The following PLA2G7 variants were observed in gnomAD, a reference collection of about 807,000 sequenced individuals.
PLA2G7 encodes the protein platelet-activating factor acetylhydrolase.
A neutral mutation model predicts 49.6 loss-of-function variants in PLA2G7; 63 were observed. The ratio of observed to expected loss-of-function variants is 1.27; its 90% CI spans 1.04 to 1.57. PLA2G7 has a LOEUF of 1.57. Among genes scored for constraint, PLA2G7 ranks in the 40% most tolerant of loss-of-function variants. The pLI is 0.00. For missense variants in PLA2G7, 596 were observed against 521.2 expected, an observed-to-expected ratio of 1.14 and a Z score of -1.40; for synonymous variants, 193 against 169.9, an observed-to-expected ratio of 1.14 and a Z score of -1.06.
chr6:46,707,894 A>G (rs1764880335), intron 10 of PLA2G7, 97 bp downstream of exon 10: 1 of 743,260 alleles, frequency 1.3e-6, no homozygotes, highest in Non-Finnish European at 2.3e-6. Flanking sequence ...TAAACAACCA[A>G]TTCAGCAATT....
intron 3 of PLA2G7, 71 bp from the exon 4 acceptor site, chr6:46,716,599 T>A: frequency 6.6e-7 from 1 of 1,523,366 alleles, no homozygotes; most frequent in Non-Finnish European, 9.1e-7. Context: ...CTATTTTGCA[T>A]ATTTAATTAG....
At chr6:46,709,843 T>A (rs530004341) in intron 8 of PLA2G7, among the ~76,000 whole-genome samples, 1 of 152,228 alleles carries the variant, frequency 6.6e-6, no homozygotes, top group African/African-American at 2.4e-5. Context: ...TACAGAGGCA[T>A]GATGCAATAC....
Position 46,709,308 on chromosome 6 carries a change from T to G in PLA2G7, c.869+19A>C. ...CCAATAATTTACTATTCTCTTGCTT[T>G]ACTATCTTATTTTCTTACCTGAATC... On this transcript the variant is annotated intron_variant, in intron 9 of 11. Coordinates refer to ENST00000274793, the MANE Select transcript of PLA2G7 (RefSeq NM_005084.4). 7 of 1,336,118 alleles carry G rather than the reference T, an allele frequency of 5.2e-6. No individual in the cohort carries two copies. Among genetic ancestry groups the G allele is most frequent in the Non-Finnish European group, 7.5e-6 (7 of 927,274 alleles). The allele number at this position is 1,336,118 out of a possible 1,614,324, so 82.8% of individuals were successfully genotyped here.
chr6:46,709,658 A>C (rs535678864), intron 8 of PLA2G7, among the ~76,000 whole-genome samples: 1 of 152,336 alleles, frequency 6.6e-6, no homozygotes, highest in African/African-American at 2.4e-5. Flanking sequence ...AAGTAAACTT[A>C]ATGTTCTTTG....
intron 2 of PLA2G7, among the ~76,000 whole-genome samples, chr6:46,718,881 T>C (rs933286103): frequency 6.6e-6 from 1 of 152,214 alleles, no homozygotes; most frequent in African/African-American, 2.4e-5. Flanking sequence ...TGGCACATAG[T>C]CAATGCTCAA....
At chr6:46,711,646 A>G (rs1765028578) in intron 6 of PLA2G7, 27 bp from the exon 7 acceptor site, 1 of 1,611,780 alleles carries the variant, frequency 6.2e-7, no homozygotes. Flanking sequence ...ATTATTATTT[A>G]TGCATGCTCC....
Position 46,716,397 on chromosome 6 carries a change from C to T in PLA2G7, c.363G>A (p.Leu121=). The T allele has an allele frequency of 6.2e-7, 1 of 1,614,088 alleles. No individual in the cohort carries two copies. Among genetic ancestry groups the T allele is most frequent in the Non-Finnish European group, 8.5e-7 (1 of 1,179,982 alleles). The change falls in exon 4 of 12, where the codon TTG becomes TTA. Residue 121 remains leucine, a synonymous_variant. Transcript: ENST00000274793. ...CAGAAATCTTACCAAAGAGTAACCT[C>T]AAAATGTTGCCCATAAGCCAGTGTG... ...LGTHWLMGNI[L]RLLFGSMTTP... is the part of the protein sequence containing the mutation.
At chr6:46,731,122 TGA>T (rs1765721786) in intron 1 of PLA2G7, among the ~76,000 whole-genome samples, 1 of 152,164 alleles carries the variant, frequency 6.6e-6, no homozygotes, top group African/African-American at 2.4e-5. Context: ...CACATCAGAG[TGA>T]GTCAGGAAAG....
intron 11 of PLA2G7, 100 bp from the exon 12 acceptor site, chr6:46,704,796 TC>T (rs775144374): frequency 2.5e-5 from 19 of 755,816 alleles, no homozygotes; most frequent in Admixed American, 4.3e-5. Context: ...TTACACAAGT[TC>T]CGTTAGGATG....
chr6:46,709,460 G>C (rs1424091534), intron 8 of PLA2G7, 42 bp from the exon 9 acceptor site: 1 of 1,079,158 alleles, frequency 9.3e-7, no homozygotes, highest in African/African-American at 1.5e-5. Flanking sequence ...CTATTTCGTG[G>C]TGTTAGAAGA....
intron 1 of PLA2G7, among the ~76,000 whole-genome samples, chr6:46,730,682 C>T (rs1366169508): frequency 6.6e-6 from 1 of 152,060 alleles, no homozygotes; most frequent in Non-Finnish European, 1.5e-5. Context: ...CTGATTGCTT[C>T]CAAGAAAAAC....
Position 46,722,736 on chromosome 6 carries a change from T to C in PLA2G7, c.109+47A>G, listed in dbSNP as rs539881384. On this transcript the variant is annotated intron_variant, in intron 2 of 11. Transcript: ENST00000274793. Reference sequence around the variant, plus strand: ...AACTTCTTGGGGCCCACTTGAAGTATGGCGACAGATCAGTTGCTCAAGACC... The same window carrying C: ...AACTTCTTGGGGCCCACTTGAAGTACGGCGACAGATCAGTTGCTCAAGACC... 6.2e-6 allele frequency: 7 copies of C among 1,131,200 alleles called. No homozygotes were observed. In the East Asian group the frequency reaches 1.2e-4, roughly 19 times the overall value. 70.1% of individuals were successfully genotyped at this position (1,131,200 alleles called of 1,614,324 possible).
At chr6:46,706,972 A>T (rs1475849402) in intron 10 of PLA2G7, among the ~76,000 whole-genome samples, 1 of 152,054 alleles carries the variant, frequency 6.6e-6, no homozygotes, top group Non-Finnish European at 1.5e-5. Context: ...TATTGCCTAT[A>T]CTCCATATAT....
intron 5 of PLA2G7, among the ~76,000 whole-genome samples, chr6:46,713,169 T>C (rs146075712): frequency 6.6e-6 from 1 of 152,352 alleles, no homozygotes; most frequent in Non-Finnish European, 1.5e-5. Context: ...TTATGCCCTC[T>C]TCCACAGCTT....
intron 2 of PLA2G7, among the ~76,000 whole-genome samples, chr6:46,720,755 AT>A (rs1765369984): frequency 6.6e-6 from 1 of 152,200 alleles, no homozygotes; most frequent in South Asian, 2.1e-4. Flanking sequence ...ATGGCATGCT[AT>A]TAATTTTATT....
intron 2 of PLA2G7, among the ~76,000 whole-genome samples, chr6:46,719,731 G>A (rs1338467487): frequency 6.6e-6 from 1 of 152,166 alleles, no homozygotes; most frequent in African/African-American, 2.4e-5. Context: ...CAGTACAGTT[G>A]TAAAGATGAG....
At chr6:46,716,300 G>A in intron 4 of PLA2G7, 84 bp downstream of exon 4, 1 of 1,375,620 alleles carries the variant, frequency 7.3e-7, no homozygotes, top group South Asian at 1.2e-5. Context: ...AATCTACTTT[G>A]GTCTTAACTA....
At chr6:46,714,196 A>G (rs1765121507) in intron 5 of PLA2G7, among the ~76,000 whole-genome samples, 1 of 152,192 alleles carries the variant, frequency 6.6e-6, no homozygotes, top group Admixed American at 6.5e-5. Context: ...TGTAAATATT[A>G]CAATAATGAA....
chr6:46,717,060 G>T lies in PLA2G7; in HGVS notation c.146C>A (p.Ala49Glu), dbSNP rs1295335831. The T allele has an allele frequency of 1.2e-6, 2 of 1,613,586 alleles. No homozygotes were observed. Among genetic ancestry groups the T allele is most frequent in the African/African-American group, 1.3e-5 (1 of 75,034 alleles). Reference sequence around the variant, plus strand: ...GGGGATTTTAGTTTGGCCAAAGCTTGCAGCAGCCATCAGTACTTGTATTTT... The same window carrying T: ...GGGGATTTTAGTTTGGCCAAAGCTTTCAGCAGCCATCAGTACTTGTATTTT... ...VNKIQVLMAA[A>E]SFGQTKIPRG... is the part of the protein sequence containing the mutation. The change falls in exon 3 of 12, where the codon GCA becomes GAA. Residue 49 changes from alanine (A) to glutamate (E), a missense_variant. Ala to Glu is a moderately radical substitution (Grantham distance 107). Coordinates refer to ENST00000274793, the MANE Select transcript of PLA2G7 (RefSeq NM_005084.4).
Sources: gnomAD v4.1 joint callset for allele counts (sites outside exome capture counted in the v4.1 genomes callset) on GRCh38, gnomAD v4.1.1 for gene constraint, MANE v1.5 for transcripts, NCBI Gene and HGNC (gene_info 2026-07-23, HGNC 2026-07-21) for gene names.